Variants in DIAPH2 observed in about 807,000 individuals in gnomAD.
DIAPH2 encodes diaphanous related formin 2, also known as protein diaphanous homolog 2.
In DIAPH2, 35 loss-of-function variants were observed where a neutral mutation model predicts 92.7. That is an observed-to-expected ratio of 0.38 (90% CI 0.29 to 0.50). DIAPH2 has a LOEUF of 0.50. Ranked by LOEUF, DIAPH2 falls within the 20% of genes least tolerant of loss-of-function variation. DIAPH2 has a pLI of 0.94. For synonymous variants in DIAPH2, 301 were observed against 280.4 expected (o/e 1.07, Z -0.73); for missense variants, 701 against 819.5 (o/e 0.86, Z 1.77).
At chrX:97,244,115 A>G (rs1422167445) in intron 22 of DIAPH2, among the ~76,000 whole-genome samples, 1 of 112,073 alleles carries the variant, frequency 8.9e-6, no homozygotes, top group Non-Finnish European at 1.9e-5. Context: ...TACATATGAA[A>G]TGGTAGAGAA....
intron 22 of DIAPH2, among the ~76,000 whole-genome samples, chrX:97,233,756 A>G (rs2068026057): frequency 8.9e-6 from 1 of 111,750 alleles, no homozygotes; most frequent in African/African-American, 3.3e-5. Context: ...GAGTTTCTGC[A>G]TGTGTCTGTT....
chrX:96,842,486 T>C (rs1355257471), intron 4 of DIAPH2, among the ~76,000 whole-genome samples: 1 of 112,394 alleles, frequency 8.9e-6, no homozygotes, highest in South Asian at 3.7e-4. Context: ...TGTGGAGTTA[T>C]ATGTTTGCAT....
intron 24 of DIAPH2, among the ~76,000 whole-genome samples, chrX:97,350,038 G>T (rs1476879342): frequency 3.6e-5 from 4 of 111,015 alleles, no homozygotes; most frequent in Admixed American, 9.6e-5. Flanking sequence ...GGCTAGGCGC[G>T]GTGGCTCACA....
chrX:96,928,991 C>A (rs994910903), intron 9 of DIAPH2, among the ~76,000 whole-genome samples: 1 of 111,481 alleles, frequency 9.0e-6, no homozygotes, highest in Admixed American at 9.5e-5. Context: ...TTGTTTCTTA[C>A]AGAAATGTTC....
chrX:97,342,952 G>C (rs1329369182), intron 23 of DIAPH2, among the ~76,000 whole-genome samples: 1 of 111,290 alleles, frequency 9.0e-6, no homozygotes. Context: ...TGTGACCTTG[G>C]TATGTTGAAG....
chrX:96,982,959 C>T (rs999886881), intron 17 of DIAPH2, among the ~76,000 whole-genome samples: 43 of 111,306 alleles, frequency 3.9e-4, no homozygotes, highest in African/African-American at 9.1e-4. Flanking sequence ...CTTCAGACTG[C>T]GGCAAAATTT....
chrX:97,147,063 A>G (rs748888385), intron 22 of DIAPH2, among the ~76,000 whole-genome samples: 46 of 111,526 alleles, frequency 4.1e-4, no homozygotes, highest in Non-Finnish European at 7.9e-4. Context: ...AAGGGAGGAA[A>G]GTAGGCAAGG....
intron 21 of DIAPH2, among the ~76,000 whole-genome samples, chrX:97,123,716 ACTT>A (rs2067072877): frequency 8.9e-6 from 1 of 112,330 alleles, no homozygotes; most frequent in African/African-American, 3.2e-5. Context: ...AACACAGGCC[ACTT>A]CTTTTGAGTT....
At chrX:97,047,076 GA>G (rs1473402858) in intron 17 of DIAPH2, among the ~76,000 whole-genome samples, 1 of 110,869 alleles carries the variant, frequency 9.0e-6, no homozygotes, top group Non-Finnish European at 1.9e-5. Context: ...AAGTTAGAGT[GA>G]ACAAAAAGAC....
intron 26 of DIAPH2, among the ~76,000 whole-genome samples, chrX:97,433,204 AT>A (rs200477375): frequency 3.4e-4 from 37 of 109,557 alleles, no homozygotes; most frequent in African/African-American, 9.6e-4. Flanking sequence ...AATTGAAAAT[AT>A]TTTTTTTTAA....
chrX:97,263,744 G>A (rs2068309031), intron 23 of DIAPH2, among the ~76,000 whole-genome samples: 1 of 108,371 alleles, frequency 9.2e-6, no homozygotes, highest in Non-Finnish European at 1.9e-5. Flanking sequence ...GTGCCACCAC[G>A]CCCGGCTAAT....
At chrX:96,994,265 T>C (rs765553009) in intron 17 of DIAPH2, among the ~76,000 whole-genome samples, 73 of 111,634 alleles carry the variant, frequency 6.5e-4, no homozygotes, top group Non-Finnish European at 1.3e-3. Flanking sequence ...ATTAGTGACA[T>C]ATTAAACTTG....
intron 23 of DIAPH2, among the ~76,000 whole-genome samples, chrX:97,267,782 A>G (rs1263147060): frequency 9.0e-6 from 1 of 111,599 alleles, no homozygotes; most frequent in East Asian, 2.8e-4. Flanking sequence ...CCTCACGTAC[A>G]TAACTCTTTT....
chrX:97,334,699 CAG>C (rs1402890062), intron 23 of DIAPH2, among the ~76,000 whole-genome samples: 1 of 102,230 alleles, frequency 9.8e-6, no homozygotes, highest in African/African-American at 3.5e-5. Context: ...AAAAAAAAAA[CAG>C]AGCAGGCACG....
At chrX:97,328,344 AG>A (rs1442346604) in intron 23 of DIAPH2, among the ~76,000 whole-genome samples, 1 of 111,400 alleles carries the variant, frequency 9.0e-6, no homozygotes, top group Non-Finnish European at 1.9e-5. Context: ...CTGAGGTTGG[AG>A]AATCGCTTGA....
At chrX:97,155,358 G>A (rs5967059) in intron 22 of DIAPH2, among the ~76,000 whole-genome samples, 5 of 108,580 alleles carry the variant, frequency 4.6e-5, no homozygotes, top group South Asian at 4.1e-4. Context: ...AAAATTAGCC[G>A]GGTGTGGTGG....
At chrX:97,021,472 A>G (rs893589636) in intron 17 of DIAPH2, among the ~76,000 whole-genome samples, 1 of 112,290 alleles carries the variant, frequency 8.9e-6, no homozygotes, top group Admixed American at 9.4e-5. Context: ...TGCTGAGATT[A>G]TAGGCGTGAG....
chrX:97,521,934 G>A (rs773943008), intron 26 of DIAPH2, among the ~76,000 whole-genome samples: 4 of 111,983 alleles, frequency 3.6e-5, no homozygotes, highest in South Asian at 3.8e-4. Context: ...TACAGAAAAT[G>A]TTATCCCTAG....
At chrX:97,101,921 T>G (rs935469462) in intron 20 of DIAPH2, among the ~76,000 whole-genome samples, 2 of 112,481 alleles carry the variant, frequency 1.8e-5, no homozygotes, top group African/African-American at 6.5e-5. Flanking sequence ...CAGCCTAATG[T>G]GAGGACAGTT....
Sources: gnomAD v4.1 joint callset for allele counts (sites outside exome capture counted in the v4.1 genomes callset) on GRCh38, gnomAD v4.1.1 for gene constraint, MANE v1.5 for transcripts, NCBI Gene and HGNC (gene_info 2026-07-23, HGNC 2026-07-21) for gene names.